The following ATP6V1G1 variants were observed in gnomAD, a reference collection of about 807,000 sequenced individuals.
ATP6V1G1 encodes the protein ATPase H+ transporting V1 subunit G1, also known as V-type proton ATPase subunit G 1.
A neutral mutation model predicts 14.2 loss-of-function variants in ATP6V1G1; 14 were observed. That is an observed-to-expected ratio of 0.99 (90% CI 0.65 to 1.55). ATP6V1G1 has a LOEUF of 1.55. Among genes scored for constraint, ATP6V1G1 ranks in the 40% most tolerant of loss-of-function variants. The pLI, the probability that ATP6V1G1 is intolerant of heterozygous loss-of-function variation, is 0.00. For missense variants in ATP6V1G1, 137 were observed against 146.4 expected, an observed-to-expected ratio of 0.94 and a Z score of 0.33; for synonymous variants, 65 against 53.3, an observed-to-expected ratio of 1.22 and a Z score of -0.96.
chr9:114,595,352 A>G, intron 2 of ATP6V1G1, among the ~76,000 whole-genome samples: 1 of 152,138 alleles, frequency 6.6e-6, no homozygotes, highest in East Asian at 1.9e-4. Flanking sequence ...GAACAGTTAT[A>G]GTATAGTATG....
At chr9:114,592,919 C>G (rs1242013740) in intron 2 of ATP6V1G1, among the ~76,000 whole-genome samples, 1 of 152,178 alleles carries the variant, frequency 6.6e-6, no homozygotes, top group Non-Finnish European at 1.5e-5. Flanking sequence ...TGCTAGGGAT[C>G]AGTTGTGACC....
chr9:114,592,270 G>C (rs1845190381), intron 1 of ATP6V1G1, among the ~76,000 whole-genome samples: 1 of 152,150 alleles, frequency 6.6e-6, no homozygotes, highest in East Asian at 1.9e-4. Context: ...AGTTGAGATT[G>C]AGAGAATATT....
intron 2 of ATP6V1G1, among the ~76,000 whole-genome samples, chr9:114,594,065 A>ATTTT (rs57752605): frequency 1.5e-5 from 2 of 135,324 alleles, no homozygotes; most frequent in Non-Finnish European, 1.6e-5. Flanking sequence ...CATCATCTTC[A>ATTTT]TTTTTTTTTT....
At chr9:114,589,166 G>T (rs981426436) in intron 1 of ATP6V1G1, among the ~76,000 whole-genome samples, 2 of 152,188 alleles carry the variant, frequency 1.3e-5, no homozygotes, top group Non-Finnish European at 2.9e-5. Flanking sequence ...TTGTCCCCCG[G>T]ACTAGGCTTG....
intron 2 of ATP6V1G1, among the ~76,000 whole-genome samples, chr9:114,595,747 C>CA (rs1845231073): frequency 1.3e-5 from 2 of 151,998 alleles, no homozygotes; most frequent in Admixed American, 1.3e-4. Flanking sequence ...AGTCTGAGGC[C>CA]ATCCTGGGCA....
chr9:114,597,008 T>TTTTTTA (rs1845245412), intron 2 of ATP6V1G1, among the ~76,000 whole-genome samples: 1 of 139,808 alleles, frequency 7.2e-6, no homozygotes, highest in Non-Finnish European at 1.6e-5. Flanking sequence ...TTTTTTTTTT[T>TTTTTTA]GAGACGGAGT....
At chr9:114,588,154 C>T (rs1169614425) in intron 1 of ATP6V1G1, 6 of 571,054 alleles carry the variant, frequency 1.1e-5, no homozygotes, top group South Asian at 4.5e-5. Context: ...GGGTTACCGT[C>T]CTTGGGGCCT....
At position 114,597,607 on chromosome 9, in the gene ATP6V1G1, A is replaced by G. The variant is rs1181138967; in HGVS notation, c.221A>G (p.Glu74Gly). The change falls in exon 3 of 3, where the codon GAG becomes GGG. Residue 74 changes from glutamate to glycine, a missense_variant. Transcript: ENST00000374050. ...GSRGSCSTEV[E>G]KETQEKMTIL... ...CGTGGCAGTTGCAGCACTGAAGTGG[A>G]GAAGGAGACCCAGGAGAAGATGACC... The G allele has an allele frequency of 1.3e-6, 2 of 1,556,004 alleles. No homozygotes were observed. Among genetic ancestry groups the G allele is most frequent in the East Asian group, 4.8e-5 (2 of 41,384 alleles).
chr9:114,589,215 A>G (rs1239915634), intron 1 of ATP6V1G1, among the ~76,000 whole-genome samples: 2 of 152,234 alleles, frequency 1.3e-5, no homozygotes, highest in Admixed American at 1.3e-4. Flanking sequence ...ACTGCCGTGC[A>G]ATAACCTGTT....
At chr9:114,596,617 T>C (rs1845241206) in intron 2 of ATP6V1G1, among the ~76,000 whole-genome samples, 1 of 152,160 alleles carries the variant, frequency 6.6e-6, no homozygotes, top group African/African-American at 2.4e-5. Context: ...TCCTCCTAAA[T>C]TGTATCTTCC....
chr9:114,597,539 A>C (rs778254636), intron 2 of ATP6V1G1, 31 bp from the exon 3 acceptor site: 46 of 1,447,468 alleles, frequency 3.2e-5, no homozygotes, highest in Non-Finnish European at 2.9e-5. Flanking sequence ...TGTTCTGATA[A>C]TCCCTCCGTG....
In ATP6V1G1 at chr9:114,587,913, C is replaced by T. The variant is rs555027017; in HGVS notation, c.75C>T (p.Ala25=). 16 of 1,577,068 alleles carry T rather than the reference C, an allele frequency of 1.0e-5. No homozygotes were observed. The highest frequency in any genetic ancestry group is 1.3e-5 in the African/African-American group (1 of 74,322). ...GGGCAGCCGAGAAGGTGTCCGAGGCCCGCAAAAGTGAGTTTCAGGGTGGGG... is the reference window on the plus strand; with the variant it reads ...GGGCAGCCGAGAAGGTGTCCGAGGCTCGCAAAAGTGAGTTTCAGGGTGGGG... ...EKRAAEKVSE[A]RKRKNRRLKQ... is the part of the protein sequence containing the mutation. The change falls in exon 1 of 3, where the codon GCC becomes GCT. Residue 25 remains alanine (A), a synonymous_variant. Coordinates refer to ENST00000374050, the MANE Select transcript of ATP6V1G1 (RefSeq NM_004888.4).
chr9:114,589,053 A>T (rs984224575), intron 1 of ATP6V1G1, among the ~76,000 whole-genome samples: 2 of 152,150 alleles, frequency 1.3e-5, no homozygotes, highest in African/African-American at 4.8e-5. Flanking sequence ...TGACGTGAGA[A>T]GCCTTTTCCA....
At position 114,598,463 on chromosome 9, in the gene ATP6V1G1, G is replaced by A. The variant is rs1369398581; in HGVS notation, c.*720G>A. The A allele has an allele frequency of 6.6e-6, 1 of 152,344 alleles. No homozygotes were observed. Among genetic ancestry groups the A allele is most frequent in the African/African-American group, 2.4e-5 (1 of 41,356 alleles). The allele number at this position is 152,344 out of a possible 1,614,324, so 9.4% of individuals were successfully genotyped here. ...TGCGAAATGCATTTTGACCCAGATG[G>A]TCTGCAGAACTTCACTTAGGACATT... is the stretch of plus-strand genomic sequence containing the variant. On this transcript the variant is annotated 3_prime_UTR_variant, in exon 3 of 3. Coordinates refer to ENST00000374050, the MANE Select transcript of ATP6V1G1 (RefSeq NM_004888.4).
chr9:114,593,792 C>T (rs1225194228), intron 2 of ATP6V1G1, among the ~76,000 whole-genome samples: 2 of 152,030 alleles, frequency 1.3e-5, no homozygotes, highest in Non-Finnish European at 2.9e-5. Flanking sequence ...TTGGCAATTA[C>T]AGTGCCATTA....
Position 114,587,803 on chromosome 9 carries a change from T to C in ATP6V1G1, c.-36T>C, listed in dbSNP as rs1274436943. The C allele has an allele frequency of 1.9e-6, 3 of 1,561,368 alleles. No individual in the cohort carries two copies. The highest frequency in any genetic ancestry group is 4.7e-5 in the East Asian group (2 of 42,140). ...GACCCAAGGGGCCTTCGAGGTGCCT[T>C]AGGCCGCTTGCCTTGCTCTCAGAAT... On this transcript the variant is annotated 5_prime_UTR_variant, in exon 1 of 3. Coordinates refer to ENST00000374050, the MANE Select transcript of ATP6V1G1 (RefSeq NM_004888.4).
intron 1 of ATP6V1G1, among the ~76,000 whole-genome samples, chr9:114,588,510 AGTGT>A (rs66783144): frequency 0.23 from 34,276 of 147,034 alleles, 3,986 homozygotes; most frequent in East Asian, 0.37. Context: ...TGGCAAGCGC[AGTGT>A]GTGTGTGTGT....
intron 1 of ATP6V1G1, among the ~76,000 whole-genome samples, chr9:114,591,829 C>A (rs535656238): frequency 1.3e-5 from 2 of 150,252 alleles, no homozygotes; most frequent in East Asian, 3.9e-4. Context: ...TATTGGTGAG[C>A]GGAGACTCAA....
Position 114,588,171 on chromosome 9 carries a change from A to C in ATP6V1G1, c.82+251A>C. On this transcript the variant is annotated intron_variant, in intron 1 of 2. Transcript: ENST00000374050. Reference sequence around the variant, plus strand: ...GTTACCGTCCTTGGGGCCTGGAGGCATGTGAAATGGGCTCTCCAAACGGAG... The same window carrying C: ...GTTACCGTCCTTGGGGCCTGGAGGCCTGTGAAATGGGCTCTCCAAACGGAG... The C allele has an allele frequency of 5.6e-6, 3 of 539,664 alleles. 1 individual carries two copies. The East Asian group carries it at 9.4e-5, about 17-fold the overall frequency. The allele number at this position is 539,664 out of a possible 1,614,324, so 33.4% of individuals were successfully genotyped here. A position where few individuals can be genotyped will look rare whatever the true frequency, so the allele number is the denominator to read the frequency against.
Sources: allele counts gnomAD v4.1 joint callset (sites outside exome capture counted in the v4.1 genomes callset), GRCh38; gene constraint gnomAD v4.1.1; transcripts MANE v1.5; gene names NCBI Gene and HGNC (gene_info 2026-07-23, HGNC 2026-07-21).